Variants in DYRK1A observed in about 807,000 individuals in gnomAD.
DYRK1A encodes dual specificity tyrosine-phosphorylation-regulated kinase 1A.
In DYRK1A, 9 loss-of-function variants were observed where a neutral mutation model predicts 79.7. The observed-to-expected ratio is 0.11, with a 90% CI of 0.07 to 0.20. The LOEUF is 0.20. Among genes scored for constraint, DYRK1A ranks in the 10% least tolerant of loss-of-function variants. The probability of loss-of-function intolerance (pLI) is 1.00; values close to 1 mark genes in which losing one functional copy is unlikely to be tolerated. For missense variants in DYRK1A, 622 were observed against 956.0 expected (o/e 0.65, Z 4.61); for synonymous variants, 349 against 329.7 (o/e 1.06, Z -0.63).
intron 3 of DYRK1A, among the ~76,000 whole-genome samples, chr21:37,473,085 A>G (rs776623267): frequency 4.6e-5 from 7 of 152,148 alleles, no homozygotes; most frequent in Non-Finnish European, 7.4e-5. Flanking sequence ...ACTCATAAAC[A>G]TAACCACAGT....
At chr21:37,430,131 T>G (rs943305837) in intron 2 of DYRK1A, 1 of 203,400 alleles carries the variant, frequency 4.9e-6, no homozygotes, top group Non-Finnish European at 8.7e-6. Context: ...TCTCAAGATT[T>G]GAAATGAGAG....
rs2053917827 is a variant in DYRK1A, at chr21:37,519,741, T to TTTTTTTTTTTTTTTG, written c.*7224_*7225insGTTTTTTTTTTTTTT. The TTTTTTTTTTTTTTTG allele has an allele frequency of 2.7e-5, 3 of 112,704 alleles. No individual in the cohort carries two copies. The highest frequency in any genetic ancestry group is 1.3e-4 in the African/African-American group (3 of 23,784). 7.0% of individuals were successfully genotyped at this position (112,704 alleles called of 1,614,324 possible). A position where few individuals can be genotyped will look rare whatever the true frequency, so the allele number is the denominator to read the frequency against. ...TTTGAGGTTTGTTGTGGGAAGTTTT[T>TTTTTTTTTTTTTTTG]TTTTTTTTTTTTTTTTTTGAGGCGG... is the stretch of plus-strand genomic sequence containing the variant. On this transcript the variant is annotated 3_prime_UTR_variant, in exon 12 of 12. Coordinates refer to ENST00000647188, the MANE Select transcript of DYRK1A (RefSeq NM_001347721.2).
rs1012520804 is a variant in DYRK1A at position 37,366,952 on chromosome 21, CAGAG to C, written c.-750_-747del. 2.5e-5 allele frequency: 4 copies of C among 157,774 alleles called. No individual in the cohort carries two copies. The highest frequency in any genetic ancestry group is 3.8e-4 in the East Asian group (2 of 5,286). 9.8% of individuals were successfully genotyped at this position (157,774 alleles called of 1,614,324 possible). On this transcript the variant is annotated 5_prime_UTR_variant, in exon 1 of 12. Transcript: ENST00000647188. ...TGCTGATCGCGGCCCAGGTCGGCCT[CAGAG>C]AGCGGACACCCCGAGCGGGGGGTGC...
At position 37,526,005 on chromosome 21, in the gene DYRK1A, T is replaced by C. The variant is rs922110996; in HGVS notation, c.*13474T>C. 1 of 152,252 alleles carries C rather than the reference T, an allele frequency of 6.6e-6. No homozygotes were observed. The highest frequency in any genetic ancestry group is 6.5e-5 in the Admixed American group (1 of 15,284). The allele number at this position is 152,252 out of a possible 1,614,324, so 9.4% of individuals were successfully genotyped here. ...AACCACAAGATAAAAACAGTGTTTA[T>C]GTGAAACTCCTACTGTGTTAAGTGA... On this transcript the variant is annotated 3_prime_UTR_variant, in exon 12 of 12. Coordinates refer to ENST00000647188, the MANE Select transcript of DYRK1A (RefSeq NM_001347721.2).
intron 1 of DYRK1A, among the ~76,000 whole-genome samples, 178 bp downstream of exon 1, chr21:37,367,806 GGAGCGGCGGGCGC>G (rs1304827191): frequency 6.6e-6 from 1 of 151,078 alleles, no homozygotes. Flanking sequence ...GGGTCCCGGA[GGAGCGGCGGGCGC>G]GAGCGGAGGG....
Position 37,505,356 on chromosome 21 carries a change from G to T in DYRK1A, c.1286G>T (p.Arg429Leu). Residue 429 changes from arginine (R) to leucine (L), a missense_variant, in exon 10 of 12, where the codon CGT becomes CTT. This residue lies in a region of DYRK1A where 80 missense variants were observed against 116.5 expected (regional missense o/e 0.69). Coordinates refer to ENST00000647188, the MANE Select transcript of DYRK1A (RefSeq NM_001347721.2). The part of the protein sequence containing the change: ...GVETGGPGGR[R>L]AGESGHTVAD... Reference sequence around the variant, plus strand: ...GAAACAGGAGGACCTGGTGGGCGACGTGCTGGGGAGTCAGGTCATACGGTC... The same window carrying T: ...GAAACAGGAGGACCTGGTGGGCGACTTGCTGGGGAGTCAGGTCATACGGTC... The T allele has an allele frequency of 6.2e-7, 1 of 1,614,166 alleles. No individual in the cohort carries two copies. The highest frequency in any genetic ancestry group is 8.5e-7 in the Non-Finnish European group (1 of 1,180,026).
chr21:37,413,009 T>C (rs1274277679), intron 1 of DYRK1A, among the ~76,000 whole-genome samples: 4 of 151,888 alleles, frequency 2.6e-5, no homozygotes, highest in African/African-American at 9.7e-5. Context: ...GAACCAGAGG[T>C]CACATCTGAG....
At chr21:37,427,566 A>T (rs1234585373) in intron 2 of DYRK1A, among the ~76,000 whole-genome samples, 2 of 152,210 alleles carry the variant, frequency 1.3e-5, no homozygotes, top group Non-Finnish European at 2.9e-5. Context: ...TTAGTTCATG[A>T]ACAATGTTTA....
chr21:37,491,153 G>A (rs2053079658), intron 7 of DYRK1A, among the ~76,000 whole-genome samples: 1 of 151,888 alleles, frequency 6.6e-6, no homozygotes, highest in South Asian at 2.1e-4. Flanking sequence ...ATCCAAGCTG[G>A]TTTTTTTCAG....
chr21:37,419,494 C>G (rs1421749279), intron 1 of DYRK1A: 1 of 152,178 alleles, frequency 6.6e-6, no homozygotes, highest in African/African-American at 2.4e-5. Flanking sequence ...TGAGGCTGAC[C>G]TAGGAACTTG....
At chr21:37,452,860 T>C (rs894208036) in intron 2 of DYRK1A, among the ~76,000 whole-genome samples, 46 of 151,550 alleles carry the variant, frequency 3.0e-4, no homozygotes, top group Non-Finnish European at 5.6e-4. Flanking sequence ...TTTATGCCTT[T>C]AATGTTAAGA....
intron 6 of DYRK1A, chr21:37,488,308 A>C: frequency 3.1e-6 from 3 of 962,232 alleles, no homozygotes; most frequent in Non-Finnish European, 3.7e-6. Context: ...AGAACTTTAG[A>C]TTAGACAAGT....
intron 2 of DYRK1A, among the ~76,000 whole-genome samples, chr21:37,462,303 C>T (rs573168366): frequency 6.6e-6 from 1 of 152,170 alleles, no homozygotes; most frequent in South Asian, 2.1e-4. Context: ...TGTTGAATGT[C>T]GTCCTGGCAG....
At chr21:37,510,497 G>A (rs2053718073) in intron 11 of DYRK1A, among the ~76,000 whole-genome samples, 1 of 152,158 alleles carries the variant, frequency 6.6e-6, no homozygotes, top group African/African-American at 2.4e-5. Flanking sequence ...ATGGCAAGTA[G>A]CATTAGCTGT....
intron 2 of DYRK1A, among the ~76,000 whole-genome samples, chr21:37,442,416 C>T (rs975825085): frequency 6.6e-6 from 1 of 152,096 alleles, no homozygotes; most frequent in Non-Finnish European, 1.5e-5. Context: ...TTTTGACATC[C>T]AATTTCAGTT....
At position 37,444,729 on chromosome 21, in the gene DYRK1A, A is replaced by G. The variant is rs537799711; in HGVS notation, c.10+24345A>G. Among the ~76,000 whole-genome samples the G allele has an allele frequency of 3.9e-5, 6 of 152,290 alleles. No homozygotes were observed. In the South Asian group the frequency reaches 1.0e-3, roughly 26 times the overall value. The stretch of plus-strand genomic sequence containing the variant: ...TCAGGCATTTGGTGGGTAGGGGATG[A>G]TAAATTAGTTTGCTTCTAGATAAGA... On this transcript the variant is annotated intron_variant, in intron 2 of 11. Transcript: ENST00000647188.
intron 1 of DYRK1A, among the ~76,000 whole-genome samples, chr21:37,402,628 C>CT (rs935156726): frequency 7.3e-5 from 11 of 151,298 alleles, no homozygotes; most frequent in South Asian, 2.1e-4. Context: ...ATATTTATCC[C>CT]TTTTTTTTTC....
intron 6 of DYRK1A, chr21:37,487,856 C>T (rs1025949413): frequency 1.3e-5 from 2 of 152,068 alleles, no homozygotes; most frequent in Non-Finnish European, 2.9e-5. Context: ...CCTTGTCACA[C>T]ACAATGAAAC....
At chr21:37,499,017 GTTTT>G (rs1569389132) in intron 9 of DYRK1A, among the ~76,000 whole-genome samples, 1 of 152,040 alleles carries the variant, frequency 6.6e-6, no homozygotes, top group Non-Finnish European at 1.5e-5. Context: ...TTGTCATTAA[GTTTT>G]TTGTCACATG....
Sources: gnomAD v4.1 joint callset for allele counts (sites outside exome capture counted in the v4.1 genomes callset) on GRCh38, gnomAD v4.1.1 for gene constraint, gnomAD v4.1.1 regional missense constraint, MANE v1.5 for transcripts, NCBI Gene and HGNC (gene_info 2026-07-23, HGNC 2026-07-21) for gene names.